DENND5B: variants seen among roughly 807,000 people sequenced by gnomAD.
The protein encoded by DENND5B is DENN domain-containing protein 5B.
A neutral mutation model predicts 140.6 loss-of-function variants in DENND5B; 34 were observed. The ratio of observed to expected loss-of-function variants is 0.24; its 90% CI spans 0.18 to 0.32. The LOEUF is 0.32. Among genes scored for constraint, DENND5B ranks in the 10% least tolerant of loss-of-function variants. DENND5B has a pLI of 1.00. For synonymous variants in DENND5B, 551 were observed against 562.1 expected (o/e 0.98, Z 0.28); for missense variants, 1,142 against 1,560.2 (o/e 0.73, Z 4.52).
chr12:31,520,655 C>A (rs944587003), intron 1 of DENND5B, among the ~76,000 whole-genome samples: 4 of 152,086 alleles, frequency 2.6e-5, no homozygotes, highest in African/African-American at 9.7e-5. Context: ...ATTCTCCTGC[C>A]TCAGCCTCCC....
At chr12:31,446,305 C>T (rs887469833) in intron 6 of DENND5B, among the ~76,000 whole-genome samples, 2 of 151,950 alleles carry the variant, frequency 1.3e-5, no homozygotes, top group African/African-American at 4.8e-5. Flanking sequence ...CATGACACCA[C>T]ACCTGGCTAA....
intron 2 of DENND5B, among the ~76,000 whole-genome samples, chr12:31,482,823 T>A (rs1215048452): frequency 6.6e-6 from 1 of 152,222 alleles, no homozygotes; most frequent in Non-Finnish European, 1.5e-5. Context: ...ATTTCCCTTA[T>A]AAGAGCCAAA....
In DENND5B at chr12:31,442,682, G is replaced by A. The variant is rs1944088677; in HGVS notation, c.2012+93C>T. On this transcript the variant is annotated intron_variant, in intron 7 of 20. Coordinates refer to ENST00000389082, the MANE Select transcript of DENND5B (RefSeq NM_144973.4). ...TCATGAAAAAAGTAATCAGATAGAT[G>A]TTTAATAGTTAAGCATTGTCCATTT... 3.0e-6 allele frequency: 4 copies of A among 1,333,122 alleles called. No individual in the cohort carries two copies. In the South Asian group the frequency reaches 7.3e-5, roughly 24 times the overall value. 82.6% of individuals were successfully genotyped at this position (1,333,122 alleles called of 1,614,324 possible).
At chr12:31,410,222 A>G (rs1244754806) in intron 13 of DENND5B, among the ~76,000 whole-genome samples, 3 of 152,142 alleles carry the variant, frequency 2.0e-5, no homozygotes, top group Non-Finnish European at 2.9e-5. Flanking sequence ...CTTTAAACCA[A>G]TCATACCCCT....
chr12:31,565,421 T>G (rs1024503810), intron 1 of DENND5B, among the ~76,000 whole-genome samples: 2 of 152,204 alleles, frequency 1.3e-5, no homozygotes, highest in Non-Finnish European at 2.9e-5. Context: ...TGAGTCCTGT[T>G]AAGCAATTTA....
At chr12:31,417,649 T>C (rs550725543) in intron 11 of DENND5B, among the ~76,000 whole-genome samples, 5 of 152,276 alleles carry the variant, frequency 3.3e-5, no homozygotes, top group Non-Finnish European at 5.9e-5. Flanking sequence ...GTCTCTTATG[T>C]ATGAAAGAAG....
In DENND5B at chr12:31,576,987, A is replaced by C. The variant is rs148221271; in HGVS notation, c.127+13719T>G. Among the ~76,000 whole-genome samples the C allele has an allele frequency of 1.3e-3, 196 of 152,284 alleles. 1 individual carries two copies. Among genetic ancestry groups the C allele is most frequent in the African/African-American group, 4.6e-3 (191 of 41,564 alleles). Reference sequence around the variant, plus strand: ...GTCAAAAGAATATTTCTTCTTCTACAGGTTTTTCTCAAAAAGGGACAACCA... The same window carrying C: ...GTCAAAAGAATATTTCTTCTTCTACCGGTTTTTCTCAAAAAGGGACAACCA... On this transcript the variant is annotated intron_variant, in intron 1 of 20. Transcript: ENST00000389082.
At chr12:31,557,541 T>G (rs1949330240) in intron 1 of DENND5B, among the ~76,000 whole-genome samples, 1 of 151,954 alleles carries the variant, frequency 6.6e-6, no homozygotes. Context: ...ACCAGCACAC[T>G]AGGCTAATTT....
At chr12:31,473,980 G>C (rs2138455030) in intron 3 of DENND5B, among the ~76,000 whole-genome samples, 1 of 152,312 alleles carries the variant, frequency 6.6e-6, no homozygotes, top group Admixed American at 6.5e-5. Flanking sequence ...GACCAGCAAA[G>C]TACTGTTTGG....
intron 1 of DENND5B, among the ~76,000 whole-genome samples, chr12:31,551,358 A>C (rs1342281354): frequency 6.6e-6 from 1 of 152,154 alleles, no homozygotes; most frequent in African/African-American, 2.4e-5. Flanking sequence ...GGTTTGTCAA[A>C]GATCAGATAG....
chr12:31,493,983 C>T (rs1946633897), intron 2 of DENND5B, among the ~76,000 whole-genome samples: 1 of 151,978 alleles, frequency 6.6e-6, no homozygotes, highest in Non-Finnish European at 1.5e-5. Flanking sequence ...TGCCTGCTAC[C>T]TCCTTACTTT....
chr12:31,432,878 T>C (rs778789736), intron 8 of DENND5B: 22 of 341,712 alleles, frequency 6.4e-5, no homozygotes, highest in African/African-American at 3.0e-4. Context: ...ATAGGAGACA[T>C]AGTAACTAAA....
intron 6 of DENND5B, among the ~76,000 whole-genome samples, chr12:31,443,584 A>G (rs935976360): frequency 2.6e-5 from 4 of 152,234 alleles, no homozygotes; most frequent in African/African-American, 7.2e-5. Context: ...ATATGGTTCT[A>G]AGTACAACAT....
chr12:31,588,974 AGTTT>A (rs1429807689), intron 1 of DENND5B, among the ~76,000 whole-genome samples: 1 of 152,206 alleles, frequency 6.6e-6, no homozygotes, highest in Non-Finnish European at 1.5e-5. Context: ...GAGACATCAT[AGTTT>A]GTTTCTTAAA....
chr12:31,471,159 A>T (rs1047442152), intron 3 of DENND5B, among the ~76,000 whole-genome samples: 2 of 152,226 alleles, frequency 1.3e-5, no homozygotes, highest in African/African-American at 4.8e-5. Flanking sequence ...AACTAGCCTC[A>T]AAGCCACTCC....
At position 31,450,532 on chromosome 12, in the gene DENND5B, T is replaced by C. The variant is rs142701428; in HGVS notation, c.1629+1408A>G. On this transcript the variant is annotated intron_variant, in intron 5 of 20. Transcript: ENST00000389082. ...CCACCATGCCCGGCTAATTTTAAAATTTTTTGTAGAGATGAGTTCTCACTA... is the reference window on the plus strand; with the variant it reads ...CCACCATGCCCGGCTAATTTTAAAACTTTTTGTAGAGATGAGTTCTCACTA... Among the ~76,000 whole-genome samples the C allele has an allele frequency of 3.3e-5, 5 of 152,174 alleles. No homozygotes were observed. In the East Asian group the frequency reaches 9.7e-4, roughly 29 times the overall value.
chr12:31,526,911 T>C (rs1948104780), intron 1 of DENND5B, among the ~76,000 whole-genome samples: 1 of 152,200 alleles, frequency 6.6e-6, no homozygotes, highest in Non-Finnish European at 1.5e-5. Context: ...CAAAGAAGGA[T>C]ATATTAATCT....
intron 1 of DENND5B, among the ~76,000 whole-genome samples, chr12:31,562,941 T>C (rs1336058694): frequency 7.0e-6 from 1 of 142,268 alleles, no homozygotes; most frequent in South Asian, 2.3e-4. Flanking sequence ...TTTTTTTTTT[T>C]AACAAATTCT....
chr12:31,526,455 C>G (rs987002692), intron 1 of DENND5B, among the ~76,000 whole-genome samples: 4 of 152,154 alleles, frequency 2.6e-5, no homozygotes, highest in African/African-American at 7.2e-5. Flanking sequence ...TGCCCTGTAG[C>G]TATATATTCT....
Sources: gnomAD v4.1 joint callset for allele counts (sites outside exome capture counted in the v4.1 genomes callset) on GRCh38, gnomAD v4.1.1 for gene constraint, MANE v1.5 for transcripts, NCBI Gene and HGNC (gene_info 2026-07-23, HGNC 2026-07-21) for gene names.